Variants in NLGN1 observed in about 807,000 individuals in gnomAD.
NLGN1 encodes the protein neuroligin 1.
A neutral mutation model predicts 65.5 loss-of-function variants in NLGN1; 12 were observed. That is an observed-to-expected ratio of 0.18 (90% CI 0.12 to 0.30). NLGN1 has a LOEUF of 0.30. NLGN1 is among the 10% of genes least tolerant of loss of function. NLGN1 has a pLI of 1.00. For missense variants in NLGN1, 750 were observed against 1,007.1 expected (o/e 0.74, Z 3.46); for synonymous variants, 350 against 359.5 (o/e 0.97, Z 0.30).
chr3:173,936,050 A>G (rs1356628713), intron 4 of NLGN1, among the ~76,000 whole-genome samples: 1 of 151,778 alleles, frequency 6.6e-6, no homozygotes, highest in African/African-American at 2.4e-5. Flanking sequence ...ATAGGCATGG[A>G]TTCTGTTGTG....
intron 4 of NLGN1, among the ~76,000 whole-genome samples, chr3:174,065,765 C>T (rs147345720): frequency 6.9e-4 from 105 of 152,128 alleles, no homozygotes; most frequent in African/African-American, 2.5e-3. Flanking sequence ...CTCTCTCCCT[C>T]TCTGGCTCTT....
chr3:174,015,172 T>C (rs1726302837), intron 4 of NLGN1, among the ~76,000 whole-genome samples: 1 of 152,224 alleles, frequency 6.6e-6, no homozygotes, highest in Non-Finnish European at 1.5e-5. Context: ...TTTATGGTTA[T>C]CAGTTAAGAA....
chr3:174,255,039 C>G (rs1310547817), intron 4 of NLGN1, among the ~76,000 whole-genome samples: 5 of 152,134 alleles, frequency 3.3e-5, no homozygotes, highest in African/African-American at 4.8e-5. Flanking sequence ...AAACAAATTT[C>G]CAACTCAGTG....
At chr3:173,400,642 T>C (rs147892169) in intron 1 of NLGN1, among the ~76,000 whole-genome samples, 3 of 152,218 alleles carry the variant, frequency 2.0e-5, no homozygotes, top group Admixed American at 2.0e-4. Context: ...TTCCTTCCTG[T>C]ACCCTTACTC....
intron 4 of NLGN1, among the ~76,000 whole-genome samples, chr3:174,066,554 C>CTG (rs1330249971): frequency 6.8e-5 from 9 of 133,062 alleles, no homozygotes; most frequent in African/African-American, 2.7e-4. Flanking sequence ...CTCTCTCTCT[C>CTG]TCTCTCTCTC....
intron 3 of NLGN1, among the ~76,000 whole-genome samples, chr3:173,748,694 T>C (rs1230761047): frequency 6.6e-6 from 1 of 152,116 alleles, no homozygotes; most frequent in Non-Finnish European, 1.5e-5. Context: ...TTGTCTTTGG[T>C]CTTGGTCTTT....
chr3:174,244,669 T>C (rs753559652), intron 4 of NLGN1, among the ~76,000 whole-genome samples: 9 of 152,116 alleles, frequency 5.9e-5, no homozygotes, highest in Non-Finnish European at 8.8e-5. Flanking sequence ...AAAGGGGAAG[T>C]CATGGATGTG....
At chr3:174,254,612 A>G (rs1017737263) in intron 4 of NLGN1, among the ~76,000 whole-genome samples, 1 of 152,088 alleles carries the variant, frequency 6.6e-6, no homozygotes, top group Non-Finnish European at 1.5e-5. Context: ...AATCTTATCG[A>G]TATTTAGGTT....
chr3:173,929,778 C>T (rs1456575488), intron 4 of NLGN1, among the ~76,000 whole-genome samples: 1 of 150,904 alleles, frequency 6.6e-6, no homozygotes, highest in African/African-American at 2.4e-5. Flanking sequence ...GATCTTGGCT[C>T]ACCGCAACTT....
At chr3:173,537,325 A>G (rs150863134) in intron 2 of NLGN1, among the ~76,000 whole-genome samples, 1 of 152,308 alleles carries the variant, frequency 6.6e-6, no homozygotes, top group African/African-American at 2.4e-5. Context: ...TCCTGCACAC[A>G]AACAGAGAAT....
In NLGN1 at chr3:173,588,334, T is replaced by TA. The variant is rs540845930; in HGVS notation, c.-320-15945_-320-15944insA. Among the ~76,000 whole-genome samples the TA allele has an allele frequency of 1.7e-3, 265 of 152,212 alleles. 1 individual carries two copies. Among genetic ancestry groups the TA allele is most frequent in the Non-Finnish European group, 2.7e-3 (182 of 68,018 alleles). ...TAATAGTAACCCATTTGCTGGTCAC[T>TA]TTTGTTCTGTTATTAATGAAATAAT... On this transcript the variant is annotated intron_variant, in intron 2 of 6. Transcript: ENST00000457714.
intron 3 of NLGN1, among the ~76,000 whole-genome samples, chr3:173,743,378 C>T (rs994748214): frequency 6.6e-6 from 1 of 152,062 alleles, no homozygotes; most frequent in African/African-American, 2.4e-5. Context: ...GCACCAGCAG[C>T]TCAAGGGACA....
At position 174,046,372 on chromosome 3, in the gene NLGN1, C is replaced by CT. The variant is rs373611284; in HGVS notation, c.647-228930dup. Among the ~76,000 whole-genome samples the CT allele has an allele frequency of 2.3e-3, 333 of 144,948 alleles. 3 individuals carry two copies. Among genetic ancestry groups the CT allele is most frequent in the East Asian group, 0.011 (54 of 5,036 alleles). ...GGCTGCATTTAATAGAAGCAGGCAACTTTTTTTTTTTTTACTGTATTATTT... is the reference window on the plus strand; with the variant it reads ...GGCTGCATTTAATAGAAGCAGGCAACTTTTTTTTTTTTTTACTGTATTATTT... On this transcript the variant is annotated intron_variant, in intron 4 of 6. Coordinates refer to ENST00000457714, the Ensembl canonical transcript of NLGN1.
chr3:173,690,291 A>G (rs186886822), intron 3 of NLGN1, among the ~76,000 whole-genome samples: 3 of 152,308 alleles, frequency 2.0e-5, no homozygotes, highest in East Asian at 3.9e-4. Context: ...TGACTTACAT[A>G]TTCTATACCT....
intron 2 of NLGN1, among the ~76,000 whole-genome samples, chr3:173,568,868 A>T (rs1250389703): frequency 6.6e-6 from 1 of 151,780 alleles, no homozygotes; most frequent in Non-Finnish European, 1.5e-5. Flanking sequence ...TTTAGTAGAG[A>T]CGGGGTTTCA....
chr3:174,157,002 A>G (rs1017755273), intron 4 of NLGN1, among the ~76,000 whole-genome samples: 1 of 149,138 alleles, frequency 6.7e-6, no homozygotes, highest in East Asian at 1.9e-4. Flanking sequence ...TTATATATAT[A>G]ATATAAATGT....
intron 3 of NLGN1, among the ~76,000 whole-genome samples, chr3:173,669,066 A>G (rs1425622891): frequency 6.6e-6 from 1 of 152,210 alleles, no homozygotes; most frequent in Admixed American, 6.5e-5. Flanking sequence ...TTATGTTTGC[A>G]TGCAGTGTTT....
chr3:174,126,721 C>G (rs148157439), intron 4 of NLGN1, among the ~76,000 whole-genome samples: 166 of 152,168 alleles, frequency 1.1e-3, no homozygotes, highest in African/African-American at 3.8e-3. Context: ...AAACTAGACC[C>G]TTGAAAATCA....
At chr3:174,119,265 G>A (rs930707236) in intron 4 of NLGN1, among the ~76,000 whole-genome samples, 5 of 151,970 alleles carry the variant, frequency 3.3e-5, no homozygotes, top group Admixed American at 3.3e-4. Flanking sequence ...ATTTCTAAAT[G>A]TACATGTTTC....
Sources: gnomAD v4.1 joint callset for allele counts (sites outside exome capture counted in the v4.1 genomes callset) on GRCh38, gnomAD v4.1.1 for gene constraint, MANE v1.5 for transcripts, NCBI Gene and HGNC (gene_info 2026-07-23, HGNC 2026-07-21) for gene names.